Variants in AVPR1A observed in about 807,000 individuals in gnomAD.
The protein encoded by AVPR1A is arginine vasopressin receptor 1A.
Under a neutral mutation model 31.5 loss-of-function variants are expected in AVPR1A, and 31 were observed. The observed-to-expected ratio is 0.99, with a 90% CI of 0.74 to 1.33. AVPR1A has a LOEUF of 1.33. Ranked by LOEUF, AVPR1A falls within the 40% of genes most tolerant of loss-of-function variation. The pLI is 0.00. For missense variants in AVPR1A, 570 were observed against 575.2 expected (o/e 0.99, Z 0.09); for synonymous variants, 243 against 233.2 (o/e 1.04, Z -0.38).
intron 1 of AVPR1A, among the ~76,000 whole-genome samples, chr12:63,149,104 T>G (rs1209836192): frequency 2.0e-5 from 3 of 152,188 alleles, no homozygotes; most frequent in Admixed American, 2.0e-4. Flanking sequence ...AGTAAACTAC[T>G]GTAAGAGTTG....
At chr12:63,148,341 G>A (rs1868389245) in intron 1 of AVPR1A, among the ~76,000 whole-genome samples, 1 of 152,126 alleles carries the variant, frequency 6.6e-6, no homozygotes, top group Non-Finnish European at 1.5e-5. Flanking sequence ...GAGCTACAGT[G>A]CTGATAATAT....
chr12:63,144,027 G>C lies in AVPR1A; in HGVS notation c.*3332C>G, dbSNP rs1036657773. The C allele has an allele frequency of 6.6e-6, 1 of 152,152 alleles. No homozygotes were observed. The highest frequency in any genetic ancestry group is 1.5e-5 in the Non-Finnish European group (1 of 68,022). The allele number at this position is 152,152 out of a possible 1,614,324, so 9.4% of individuals were successfully genotyped here. A position where few individuals can be genotyped will look rare whatever the true frequency, so the allele number is the denominator to read the frequency against. ...TCTTGTGTAATAACAGATGAAAGTTGTTTCTTAATCATTAGTAGTTGTCCA... is the reference window on the plus strand; with the variant it reads ...TCTTGTGTAATAACAGATGAAAGTTCTTTCTTAATCATTAGTAGTTGTCCA... On this transcript the variant is annotated 3_prime_UTR_variant, in exon 2 of 2. Coordinates refer to ENST00000299178, the MANE Select transcript of AVPR1A (RefSeq NM_000706.5).
rs1483655589 is a variant in AVPR1A, at chr12:63,147,336, A to G, written c.*23T>C. 1 of 1,605,448 alleles carries G rather than the reference A, an allele frequency of 6.2e-7. No homozygotes were observed. Among genetic ancestry groups the G allele is most frequent in the East Asian group, 2.2e-5 (1 of 44,682 alleles). On this transcript the variant is annotated 3_prime_UTR_variant, in exon 2 of 2. Coordinates refer to ENST00000299178, the MANE Select transcript of AVPR1A (RefSeq NM_000706.5). ...ATGAGCCAAAAAGTCAATCACAAGA[A>G]TCAAGTTGCATGAATGCAAGGCTCA...
intron 1 of AVPR1A, among the ~76,000 whole-genome samples, chr12:63,148,220 A>G (rs1366381866): frequency 6.6e-6 from 1 of 152,176 alleles, no homozygotes; most frequent in Admixed American, 6.5e-5. Flanking sequence ...TGTGGTTCAA[A>G]CAAATTATAT....
In AVPR1A at chr12:63,149,952, C is replaced by A; in HGVS notation, c.885G>T (p.Val295=). Residue 295 remains valine (V), a synonymous_variant, in exon 1 of 2, where the codon GTG becomes GTT. Coordinates refer to ENST00000299178, the MANE Select transcript of AVPR1A (RefSeq NM_000706.5). ...AKIRTVKMTF[V]IVTAYIVCWA... is the part of the protein sequence containing the mutation. ...AGCAGACGATGTAAGCCGTCACGAT[C>A]ACAAAAGTCATCTTCACCGTGCGGA... 1 of 1,614,090 alleles carries A rather than the reference C, an allele frequency of 6.2e-7. No individual in the cohort carries two copies. The highest frequency in any genetic ancestry group is 8.5e-7 in the Non-Finnish European group (1 of 1,180,026).
At position 63,146,165 on chromosome 12, in the gene AVPR1A, G is replaced by A. The variant is rs1361540969; in HGVS notation, c.*1194C>T. 2.0e-5 allele frequency: 3 copies of A among 152,146 alleles called. No homozygotes were observed. The highest frequency in any genetic ancestry group is 7.2e-5 in the African/African-American group (3 of 41,432). 9.4% of individuals were successfully genotyped at this position (152,146 alleles called of 1,614,324 possible). On this transcript the variant is annotated 3_prime_UTR_variant, in exon 2 of 2. Transcript: ENST00000299178. ...TCCTTACAACAACCCTGTGAGGTAA[G>A]TGTTATCAACCCCACGGTAAGTCAA...
In AVPR1A at chr12:63,147,418, T is replaced by C. The variant is rs1265388342; in HGVS notation, c.1198A>G (p.Met400Val). 5 of 1,614,148 alleles carry C rather than the reference T, an allele frequency of 3.1e-6. No homozygotes were observed. Among genetic ancestry groups the C allele is most frequent in the Non-Finnish European group, 4.2e-6 (5 of 1,179,986 alleles). The change falls in exon 2 of 2, where the codon ATG (methionine) becomes GTG (valine). Residue 400 changes from methionine to valine, a missense_variant. Met to Val is a conservative substitution (Grantham distance 21, BLOSUM62 1). Coordinates refer to ENST00000299178, the MANE Select transcript of AVPR1A (RefSeq NM_000706.5). The part of the protein sequence containing the change: ...NNRSPTNSTG[M>V]WKDSPKSSKS... ...GAAGATTTAGGCGAGTCCTTCCACATACCCGTACTGTTTGTTGGGCTTCGA... is the reference window on the plus strand; with the variant it reads ...GAAGATTTAGGCGAGTCCTTCCACACACCCGTACTGTTTGTTGGGCTTCGA...
Position 63,150,420 on chromosome 12 carries a change from G to A in AVPR1A, c.417C>T (p.Ala139=), listed in dbSNP as rs758045345. The part of the protein sequence containing the change: ...HLQVFGMFAS[A]YMLVVMTADR... ...CGGCTGTCATGACTACCAGCATGTAGGCCGACGCAAACATGCCGAACACCT... is the reference window on the plus strand; with the variant it reads ...CGGCTGTCATGACTACCAGCATGTAAGCCGACGCAAACATGCCGAACACCT... The change falls in exon 1 of 2, where the codon GCC becomes GCT. Residue 139 remains alanine (A), a synonymous_variant. Transcript: ENST00000299178. This position sits in a 1 kb window ranked among gnomAD's most constrained non-coding sequence, Gnocchi z 4.9. 1.1e-5 allele frequency: 17 copies of A among 1,613,640 alleles called. No homozygotes were observed. The South Asian group carries it at 1.8e-4, about 17-fold the overall frequency.
rs779739647 is a variant in AVPR1A, at chr12:63,150,501, G to A, written c.336C>T (p.Asp112=). The change falls in exon 1 of 2, where the codon GAC becomes GAT. Residue 112 remains aspartate, a synonymous_variant. Coordinates refer to ENST00000299178, the MANE Select transcript of AVPR1A (RefSeq NM_000706.5). This position sits in a 1 kb window ranked among gnomAD's most constrained non-coding sequence, Gnocchi z 4.9. ...CGGGGCCGCGGAAGCGGTAGGTGAT[G>A]TCCCAGCACATTTGCGGCAGCACCT... is the stretch of plus-strand genomic sequence containing the variant. ...FFQVLPQMCW[D]ITYRFRGPDW... 1.2e-6 allele frequency: 2 copies of A among 1,613,394 alleles called. No individual in the cohort carries two copies. Among genetic ancestry groups the A allele is most frequent in the Admixed American group, 1.7e-5 (1 of 59,946 alleles).
In AVPR1A at chr12:63,149,994, G is replaced by A. The variant is rs774865350; in HGVS notation, c.843C>T (p.Ser281=). 43 of 1,614,006 alleles carry A rather than the reference G, an allele frequency of 2.7e-5. No individual in the cohort carries two copies. The highest frequency in any genetic ancestry group is 3.6e-5 in the Non-Finnish European group (42 of 1,180,032). The change falls in exon 1 of 2, where the codon TCC becomes TCT. Residue 281 remains serine (S), a synonymous_variant. Coordinates refer to ENST00000299178, the MANE Select transcript of AVPR1A (RefSeq NM_000706.5). Reference sequence around the variant, plus strand: ...CCGTGCGGATCTTGGCCCGGGAAATGGACTTCACGCTGCTGACACAGGGTG... The same window carrying A: ...CCGTGCGGATCTTGGCCCGGGAAATAGACTTCACGCTGCTGACACAGGGTG... The part of the protein sequence containing the change: ...LLAPCVSSVK[S]ISRAKIRTVK...
In AVPR1A at chr12:63,150,966, G is replaced by C; in HGVS notation, c.-130C>G. The C allele has an allele frequency of 7.5e-7, 1 of 1,342,268 alleles. No homozygotes were observed. The allele number at this position is 1,342,268 out of a possible 1,614,324, so 83.1% of individuals were successfully genotyped here. On this transcript the variant is annotated 5_prime_UTR_variant, in exon 1 of 2. Coordinates refer to ENST00000299178, the MANE Select transcript of AVPR1A (RefSeq NM_000706.5). This position sits in a 1 kb window ranked among gnomAD's most constrained non-coding sequence, Gnocchi z 4.9. The stretch of plus-strand genomic sequence containing the variant: ...CTTTGGCGCGCTCGCAGCTTGCCGG[G>C]CTCTGCGATCCCTCCAGTGGGCGTC...
rs1868331246 is a variant in AVPR1A at position 63,142,803 on chromosome 12, A to G, written c.*4556T>C. On this transcript the variant is annotated 3_prime_UTR_variant, in exon 2 of 2. Coordinates refer to ENST00000299178, the MANE Select transcript of AVPR1A (RefSeq NM_000706.5). ...TATAGAAACAAGACAACACACAGTA[A>G]AATTGAGGAAATACAATAGTTTTTT... 6.6e-6 allele frequency: 1 copy of G among 152,188 alleles called. No homozygotes were observed. The highest frequency in any genetic ancestry group is 6.5e-5 in the Admixed American group (1 of 15,276). The allele number at this position is 152,188 out of a possible 1,614,324, so 9.4% of individuals were successfully genotyped here.
At position 63,147,568 on chromosome 12, in the gene AVPR1A, A is replaced by G. The variant is rs761941972; in HGVS notation, c.1048T>C (p.Phe350Leu). Reference protein sequence around the residue: ...NSCCNPWIYMFFSGHLLQDCV... With the variant: ...NSCCNPWIYMLFSGHLLQDCV... ...TCTTGAAGGAGATGGCCACTAAAAA[A>G]CATGTATATCCAGGGATTACAGCAG... Residue 350 changes from phenylalanine (F) to leucine (L), a missense_variant, in exon 2 of 2, where the codon TTT becomes CTT. Physicochemically the swap from Phe to Leu is conservative, Grantham distance 22. Coordinates refer to ENST00000299178, the MANE Select transcript of AVPR1A (RefSeq NM_000706.5). 2.5e-6 allele frequency: 4 copies of G among 1,614,062 alleles called. No individual in the cohort carries two copies. The highest frequency in any genetic ancestry group is 1.7e-5 in the Admixed American group (1 of 60,008).
intron 1 of AVPR1A, among the ~76,000 whole-genome samples, chr12:63,148,721 G>A (rs573204708): frequency 1.4e-4 from 21 of 152,174 alleles, no homozygotes; most frequent in Non-Finnish European, 2.5e-4. Context: ...TTTCATTATC[G>A]CTAGTATTAT....
In AVPR1A at chr12:63,147,428, G is replaced by A. The variant is rs1478849841; in HGVS notation, c.1188C>T (p.Asn396=). ...GCGAGTCCTTCCACATACCCGTACT[G>A]TTTGTTGGGCTTCGATTGTTAGAAT... The part of the protein sequence containing the change: ...TFYSNNRSPT[N]STGMWKDSPK... The change falls in exon 2 of 2, where the codon AAC becomes AAT. Residue 396 remains asparagine, a synonymous_variant. Transcript: ENST00000299178. The A allele has an allele frequency of 6.2e-7, 1 of 1,614,000 alleles. No homozygotes were observed. The highest frequency in any genetic ancestry group is 8.5e-7 in the Non-Finnish European group (1 of 1,179,994).
rs932617831 is a variant in AVPR1A at position 63,145,217 on chromosome 12, C to A, written c.*2142G>T. 27 of 313,004 alleles carry A rather than the reference C, an allele frequency of 8.6e-5. No individual in the cohort carries two copies. The highest frequency in any genetic ancestry group is 1.6e-4 in the Non-Finnish European group (25 of 159,736). 19.4% of individuals were successfully genotyped at this position (313,004 alleles called of 1,614,324 possible). ...ATTTTTAGAAAGAAGAATTTGAAAA[C>A]CTAGGGAGTCCCTAGGTTTATAATC... On this transcript the variant is annotated 3_prime_UTR_variant, in exon 2 of 2. Coordinates refer to ENST00000299178, the MANE Select transcript of AVPR1A (RefSeq NM_000706.5).
At position 63,150,002 on chromosome 12, in the gene AVPR1A, C is replaced by G. The variant is rs1351872607; in HGVS notation, c.835G>C (p.Val279Leu). 1.2e-6 allele frequency: 2 copies of G among 1,614,060 alleles called. No individual in the cohort carries two copies. The highest frequency in any genetic ancestry group is 2.7e-5 in the African/African-American group (2 of 74,928). Residue 279 changes from valine (V) to leucine (L), a missense_variant, in exon 1 of 2, where the codon GTG (valine) becomes CTG (leucine). Transcript: ENST00000299178. This position sits in a 1 kb window ranked among gnomAD's most constrained non-coding sequence, Gnocchi z 4.9. ...ATCTTGGCCCGGGAAATGGACTTCA[C>G]GCTGCTGACACAGGGTGCGAGCAGG... ...GFLLAPCVSS[V>L]KSISRAKIRT...
intron 1 of AVPR1A, among the ~76,000 whole-genome samples, chr12:63,148,970 T>C (rs1868403286): frequency 6.6e-6 from 1 of 152,208 alleles, no homozygotes; most frequent in Non-Finnish European, 1.5e-5. Context: ...TTGTCTTTAC[T>C]AGAAGAAAAT....
At position 63,151,064 on chromosome 12, in the gene AVPR1A, C is replaced by CT. The variant is rs1868477365; in HGVS notation, c.-229dup. ...GAGCTGGCCCCTCTCCCTGCTCTGCCTTTTTTCAACTTCGGCGAGGTCGGG... is the reference window on the plus strand; with the variant it reads ...GAGCTGGCCCCTCTCCCTGCTCTGCCTTTTTTTCAACTTCGGCGAGGTCGGG... On this transcript the variant is annotated 5_prime_UTR_variant, in exon 1 of 2. Coordinates refer to ENST00000299178, the MANE Select transcript of AVPR1A (RefSeq NM_000706.5). The CT allele has an allele frequency of 3.5e-6, 2 of 566,282 alleles. No individual in the cohort carries two copies. The highest frequency in any genetic ancestry group is 5.9e-6 in the Non-Finnish European group (2 of 341,328). The allele number at this position is 566,282 out of a possible 1,614,324, so 35.1% of individuals were successfully genotyped here.
Sources: gnomAD v4.1 joint callset for allele counts (sites outside exome capture counted in the v4.1 genomes callset) on GRCh38, gnomAD v4.1.1 for gene constraint, Gnocchi (gnomAD v3.1) non-coding constraint, MANE v1.5 for transcripts, NCBI Gene and HGNC (gene_info 2026-07-23, HGNC 2026-07-21) for gene names.